The following REV3L variants were observed in gnomAD, a reference collection of about 807,000 sequenced individuals.
REV3L encodes the protein REV3 like, DNA directed polymerase zeta catalytic subunit.
A neutral mutation model predicts 299.4 loss-of-function variants in REV3L; 69 were observed. The observed-to-expected ratio is 0.23, with a 90% CI of 0.19 to 0.28. REV3L has a LOEUF of 0.28. Among genes scored for constraint, REV3L ranks in the 10% least tolerant of loss-of-function variants. REV3L has a pLI of 1.00. For missense variants in REV3L, 3,128 were observed against 3,693.8 expected, an observed-to-expected ratio of 0.85 and a Z score of 3.97; for synonymous variants, 1,238 against 1,271.4, an observed-to-expected ratio of 0.97 and a Z score of 0.56.
chr6:111,483,113 G>C lies in REV3L; in HGVS notation c.-225C>G. On this transcript the variant is annotated 5_prime_UTR_variant, in exon 1 of 32. Transcript: ENST00000368802. ...AAGGGGCCGCAGGAGAGAAGCCCTC[G>C]AGCTTTCGTCGGTGCTGGTGCTGCC... 1 of 516,414 alleles carries C rather than the reference G, an allele frequency of 1.9e-6. No individual in the cohort carries two copies. Among genetic ancestry groups the C allele is most frequent in the Non-Finnish European group, 3.3e-6 (1 of 306,426 alleles). The allele number at this position is 516,414 out of a possible 1,614,324, so 32.0% of individuals were successfully genotyped here.
chr6:111,467,851 G>C (rs1791695363), intron 1 of REV3L, among the ~76,000 whole-genome samples: 1 of 152,154 alleles, frequency 6.6e-6, no homozygotes, highest in Non-Finnish European at 1.5e-5. Flanking sequence ...AGGGAAGACT[G>C]TACGTAAGAG....
intron 26 of REV3L, among the ~76,000 whole-genome samples, chr6:111,322,243 G>T (rs1241175692): frequency 1.3e-5 from 2 of 152,098 alleles, no homozygotes; most frequent in Admixed American, 6.6e-5. Context: ...CTATATTAGA[G>T]GAATTATTCA....
chr6:111,479,068 A>G (rs1013725786), intron 1 of REV3L, among the ~76,000 whole-genome samples: 2 of 152,228 alleles, frequency 1.3e-5, no homozygotes, highest in African/African-American at 4.8e-5. Flanking sequence ...CAACTAAGCA[A>G]AAGTCGAGAT....
At chr6:111,310,965 AAAC>A in intron 29 of REV3L, 101 bp downstream of exon 29, 1 of 865,092 alleles carries the variant, frequency 1.2e-6, no homozygotes, top group South Asian at 3.3e-5. Context: ...GCAGGTAAAG[AAAC>A]AATTTTGTGT....
intron 25 of REV3L, among the ~76,000 whole-genome samples, chr6:111,324,873 T>G (rs1282450444): frequency 6.6e-6 from 1 of 152,086 alleles, no homozygotes; most frequent in South Asian, 2.1e-4. Flanking sequence ...AGTCTTTTTT[T>G]TTTTTTGAGA....
chr6:111,360,074 T>C (rs1778492317), intron 16 of REV3L, among the ~76,000 whole-genome samples: 1 of 152,122 alleles, frequency 6.6e-6, no homozygotes, highest in South Asian at 2.1e-4. Flanking sequence ...TAGCAAAGAC[T>C]GGAAAAAAAC....
At chr6:111,364,198 T>C (rs138287152) in intron 15 of REV3L, among the ~76,000 whole-genome samples, 96 of 152,264 alleles carry the variant, frequency 6.3e-4, no homozygotes, top group Non-Finnish European at 1.2e-3. Context: ...AAGCAAACCA[T>C]ATGTTATCTC....
chr6:111,343,702 G>A (rs1359773487), intron 21 of REV3L, among the ~76,000 whole-genome samples: 5 of 152,050 alleles, frequency 3.3e-5, no homozygotes, highest in African/African-American at 1.2e-4. Flanking sequence ...GCCAATTTTT[G>A]TATTTTTAGT....
intron 1 of REV3L, chr6:111,431,145 C>A: frequency 6.6e-7 from 1 of 1,525,618 alleles, no homozygotes; most frequent in South Asian, 1.1e-5. Context: ...ATCTTCCAAG[C>A]GATCTCAGCA....
At chr6:111,472,198 CAT>C (rs1792305205) in intron 1 of REV3L, 1 of 1,073,950 alleles carries the variant, frequency 9.3e-7, no homozygotes, top group Non-Finnish European at 1.2e-6. Flanking sequence ...AGTATGCCAA[CAT>C]GTTTTAACTT....
At chr6:111,420,714 A>T in intron 1 of REV3L, among the ~76,000 whole-genome samples, 1 of 152,238 alleles carries the variant, frequency 6.6e-6, no homozygotes, top group East Asian at 1.9e-4. Context: ...AAAACTTGAC[A>T]CCATGGCAAA....
intron 10 of REV3L, 67 bp downstream of exon 10, chr6:111,381,258 G>T: frequency 6.7e-7 from 1 of 1,493,128 alleles, no homozygotes. Flanking sequence ...AAAAAAAAAT[G>T]CCTCTTCACA....
chr6:111,373,034 T>A lies in REV3L; in HGVS notation c.5321A>T (p.Lys1774Ile), dbSNP rs376444174. The change falls in exon 13 of 32, where the codon AAA becomes ATA. Residue 1774 changes from lysine to isoleucine, a missense_variant. By Grantham distance (102) the Lys-to-Ile change is moderately radical (BLOSUM62 -3). Around this residue, in one of 9 missense-constraint regions of REV3L, gnomAD observed 2,409 missense variants for 2,611.8 expected, o/e 0.92. Transcript: ENST00000368802. Reference protein sequence around the residue: ...VQQAEDCLSEKSRLNRSSVSK... With the variant: ...VQQAEDCLSEISRLNRSSVSK... ...TACTGAACTCCTATTCAATCTAGAT[T>A]TTTCACTTAGACAGTCTTCTGCCTG... 2.5e-6 allele frequency: 4 copies of A among 1,614,124 alleles called. No individual in the cohort carries two copies. Among genetic ancestry groups the A allele is most frequent in the Non-Finnish European group, 3.4e-6 (4 of 1,179,994 alleles).
chr6:111,366,773 G>C (rs918918138), intron 14 of REV3L, among the ~76,000 whole-genome samples: 1 of 152,124 alleles, frequency 6.6e-6, no homozygotes, highest in African/African-American at 2.4e-5. Flanking sequence ...AGAAAGAGTA[G>C]AAGCTGGCTG....
In REV3L at chr6:111,379,976, A is replaced by AATTACCT; in HGVS notation, c.1453_1454+5dup. 1 of 1,570,450 alleles carries AATTACCT rather than the reference A, an allele frequency of 6.4e-7. No homozygotes were observed. Among genetic ancestry groups the AATTACCT allele is most frequent in the Middle Eastern group, 1.7e-4 (1 of 5,866 alleles). ...AATAAAACAACTGCAATAACTAAAA[A>AATTACCT]ATTACCTCTTTTTGGCACAATGTTC... On this transcript the variant is annotated splice_donor_region_variant and intron_variant, in intron 11 of 31. Coordinates refer to ENST00000368802, the MANE Select transcript of REV3L (RefSeq NM_001372078.1).
At chr6:111,479,354 A>T (rs984560866) in intron 1 of REV3L, among the ~76,000 whole-genome samples, 1 of 152,162 alleles carries the variant, frequency 6.6e-6, no homozygotes, top group African/African-American at 2.4e-5. Flanking sequence ...AAAACTAGTT[A>T]AAAAAATGGA....
Position 111,430,889 on chromosome 6 carries a change from C to A in REV3L, c.140-14417G>T, listed in dbSNP as rs1372976100. ...AACAACAATGTTGGGACTTCTCCAT[C>A]CTGTGGATCTCATTGTAGGAGAGCC... is the stretch of plus-strand genomic sequence containing the variant. On this transcript the variant is annotated intron_variant, in intron 1 of 31. Transcript: ENST00000368802. The A allele has an allele frequency of 2.5e-6, 4 of 1,604,094 alleles. No individual in the cohort carries two copies. In the South Asian group the frequency reaches 4.4e-5, roughly 18 times the overall value.
At position 111,440,353 on chromosome 6, in the gene REV3L, G is replaced by C. The variant is rs59394088; in HGVS notation, c.140-23881C>G. On this transcript the variant is annotated intron_variant, in intron 1 of 31. Transcript: ENST00000368802. The stretch of plus-strand genomic sequence containing the variant: ...CAAAGTGCTGGGATTACAGGCGTGA[G>C]CCACCACGCCGAGTCCCAAAGCAAA... 4.8e-4 allele frequency among the ~76,000 whole-genome samples: 73 copies of C among 152,328 alleles called. 1 individual carries two copies. The highest frequency in any genetic ancestry group is 8.8e-5 in the Non-Finnish European group (6 of 68,026).
At chr6:111,349,008 G>GAAAAA in intron 20 of REV3L, 4 of 299,528 alleles carry the variant, frequency 1.3e-5, no homozygotes, top group African/African-American at 2.4e-5. Context: ...TTAGACACAA[G>GAAAAA]AAAAAAAAAA....
Sources: gnomAD v4.1 joint callset for allele counts (sites outside exome capture counted in the v4.1 genomes callset) on GRCh38, gnomAD v4.1.1 for gene constraint, gnomAD v4.1.1 regional missense constraint, MANE v1.5 for transcripts, NCBI Gene and HGNC (gene_info 2026-07-23, HGNC 2026-07-21) for gene names.